The following ETV6 variants were observed in gnomAD, a reference collection of about 807,000 sequenced individuals.
ETV6 encodes the protein transcription factor ETV6.
A neutral mutation model predicts 51.1 loss-of-function variants in ETV6; 16 were observed. The ratio of observed to expected loss-of-function variants is 0.31; its 90% CI spans 0.21 to 0.48. ETV6 has a LOEUF of 0.48. Among genes scored for constraint, ETV6 ranks in the 20% least tolerant of loss-of-function variants. ETV6 has a pLI of 0.99. For synonymous variants in ETV6, 240 were observed against 224.1 expected (o/e 1.07, Z -0.64); for missense variants, 458 against 594.8 (o/e 0.77, Z 2.39).
At chr12:11,768,963 G>GT (rs1565518993) in intron 2 of ETV6, 2 of 482,170 alleles carry the variant, frequency 4.1e-6, no homozygotes, top group Admixed American at 4.3e-5. Flanking sequence ...ATCTTGTTCT[G>GT]TTTAACAAGG....
intron 2 of ETV6, 138 bp downstream of exon 2, chr12:11,752,717 A>C: frequency 4.5e-6 from 5 of 1,121,348 alleles, no homozygotes; most frequent in Admixed American, 2.6e-5. Context: ...GGAATCTTTC[A>C]CACCCCCCTA....
chr12:11,881,325 G>A (rs79425154), intron 5 of ETV6, among the ~76,000 whole-genome samples: 5 of 152,206 alleles, frequency 3.3e-5, no homozygotes, highest in African/African-American at 4.8e-5. Context: ...AAATTAAAAT[G>A]TGTCTGCCAT....
intron 2 of ETV6, among the ~76,000 whole-genome samples, chr12:11,790,510 T>C (rs1262032557): frequency 2.0e-5 from 3 of 152,034 alleles, no homozygotes; most frequent in African/African-American, 7.3e-5. Flanking sequence ...TTGACTCTTC[T>C]AGTAGCCATC....
In ETV6 at chr12:11,865,638, T is replaced by C. The variant is rs920259061; in HGVS notation, c.464-3786T>C. The stretch of plus-strand genomic sequence containing the variant: ...TATATACTATGTAAGTATATACTTA[T>C]ATAGTATTAGTATATACTATATATC... On this transcript the variant is annotated intron_variant, in intron 4 of 7. Coordinates refer to ENST00000396373, the MANE Select transcript of ETV6 (RefSeq NM_001987.5). 3.6e-4 allele frequency among the ~76,000 whole-genome samples: 54 copies of C among 148,476 alleles called. 1 individual carries two copies. Among genetic ancestry groups the C allele is most frequent in the Non-Finnish European group, 7.7e-4 (52 of 67,336 alleles).
At chr12:11,859,126 T>TCC (rs1946675972) in intron 4 of ETV6, among the ~76,000 whole-genome samples, 1 of 13,942 alleles carries the variant, frequency 7.2e-5, no homozygotes, top group African/African-American at 1.7e-4. Context: ...CTGGTTTTTT[T>TCC]TTTTTTTTTT....
intron 2 of ETV6, among the ~76,000 whole-genome samples, chr12:11,812,178 G>A (rs1945923360): frequency 6.6e-6 from 1 of 152,090 alleles, no homozygotes; most frequent in African/African-American, 2.4e-5. Flanking sequence ...CATTATTGTA[G>A]ATATTCTCCC....
intron 2 of ETV6, among the ~76,000 whole-genome samples, chr12:11,801,537 T>G (rs1262404444): frequency 6.6e-6 from 1 of 152,252 alleles, no homozygotes. Context: ...TACCTGACTA[T>G]TCTGCGGATA....
intron 2 of ETV6, among the ~76,000 whole-genome samples, chr12:11,810,915 T>C (rs10491994): frequency 0.074 from 11,228 of 152,168 alleles, 589 homozygotes; most frequent in East Asian, 0.15. Context: ...CCTCTAACAA[T>C]GGGAATCTCA....
intron 1 of ETV6, among the ~76,000 whole-genome samples, chr12:11,728,197 C>G (rs983216429): frequency 1.3e-5 from 2 of 152,200 alleles, no homozygotes; most frequent in Non-Finnish European, 2.9e-5. Context: ...CTGTCTACTC[C>G]TTCTTCAAGC....
At chr12:11,865,984 T>G (rs944491385) in intron 4 of ETV6, among the ~76,000 whole-genome samples, 2 of 152,130 alleles carry the variant, frequency 1.3e-5, no homozygotes, top group Non-Finnish European at 2.9e-5. Flanking sequence ...TTTTCTATAT[T>G]CTCCTTCTTG....
intron 1 of ETV6, chr12:11,716,813 A>C (rs970353837): frequency 1.3e-5 from 2 of 152,064 alleles, no homozygotes; most frequent in Non-Finnish European, 2.9e-5. Flanking sequence ...GAGTGGTTCA[A>C]CTCCATGTTC....
chr12:11,735,844 C>T (rs1251236584), intron 1 of ETV6, among the ~76,000 whole-genome samples: 1 of 152,254 alleles, frequency 6.6e-6, no homozygotes, highest in African/African-American at 2.4e-5. Flanking sequence ...AGGTGATCCA[C>T]CCGCCTTGGC....
intron 2 of ETV6, among the ~76,000 whole-genome samples, chr12:11,829,140 G>A (rs1194697692): frequency 2.0e-5 from 3 of 152,146 alleles, no homozygotes; most frequent in African/African-American, 4.8e-5. Flanking sequence ...TGCCAGAGCC[G>A]TCATGCACCT....
chr12:11,747,707 G>A (rs1865934028), intron 1 of ETV6, among the ~76,000 whole-genome samples: 1 of 152,190 alleles, frequency 6.6e-6, no homozygotes, highest in Admixed American at 6.5e-5. Context: ...TTTCAAGAGT[G>A]TATTACTTTA....
At chr12:11,789,279 G>A (rs978893438) in intron 2 of ETV6, among the ~76,000 whole-genome samples, 21 of 152,088 alleles carry the variant, frequency 1.4e-4, no homozygotes, top group Admixed American at 1.2e-3. Context: ...CGATTCGCCC[G>A]CCTCAGCCTC....
chr12:11,715,540 T>C (rs1865257987), intron 1 of ETV6, among the ~76,000 whole-genome samples: 1 of 152,216 alleles, frequency 6.6e-6, no homozygotes, highest in African/African-American at 2.4e-5. Flanking sequence ...AGCTAGTAAG[T>C]GGTACAGCTG....
At chr12:11,818,032 A>C (rs1946019024) in intron 2 of ETV6, among the ~76,000 whole-genome samples, 1 of 152,204 alleles carries the variant, frequency 6.6e-6, no homozygotes, top group Admixed American at 6.5e-5. Flanking sequence ...GTGTGTGAGC[A>C]AAGGCCTGCG....
chr12:11,696,305 C>A (rs1453828489), intron 1 of ETV6, among the ~76,000 whole-genome samples: 1 of 152,172 alleles, frequency 6.6e-6, no homozygotes, highest in Admixed American at 6.5e-5. Context: ...CTGCTTTATT[C>A]CCAGCACATA....
chr12:11,762,355 C>T (rs911661453), intron 2 of ETV6, among the ~76,000 whole-genome samples: 4 of 152,176 alleles, frequency 2.6e-5, no homozygotes, highest in Non-Finnish European at 5.9e-5. Context: ...GTGTGATTAG[C>T]GGCAATCCCC....
Sources: gnomAD v4.1 joint callset for allele counts (sites outside exome capture counted in the v4.1 genomes callset) on GRCh38, gnomAD v4.1.1 for gene constraint, MANE v1.5 for transcripts, NCBI Gene and HGNC (gene_info 2026-07-23, HGNC 2026-07-21) for gene names.